SFXN1: variants seen among roughly 807,000 people sequenced by gnomAD.
The protein encoded by SFXN1 is sideroflexin 1.
SFXN1 carries 32 observed loss-of-function variants against 39.5 expected under a neutral mutation model. The ratio of observed to expected loss-of-function variants is 0.81; its 90% confidence interval spans 0.61 to 1.09. SFXN1 has a LOEUF of 1.09. Ranked by LOEUF, SFXN1 falls within the 50% of genes least tolerant of loss-of-function variation. The pLI, the probability that SFXN1 is intolerant of heterozygous loss-of-function variation, is 0.00. For missense variants in SFXN1, 402 were observed against 407.1 expected, an observed-to-expected ratio of 0.99 and a Z score of 0.11; for synonymous variants, 136 against 146.5, an observed-to-expected ratio of 0.93 and a Z score of 0.52.
chr5:175,519,875 T>TC, intron 8 of SFXN1, among the ~76,000 whole-genome samples: 1 of 143,744 alleles, frequency 7.0e-6, no homozygotes, highest in East Asian at 2.0e-4. Flanking sequence ...TTTTTTTTTT[T>TC]TTTTTTTTTT....
At chr5:175,511,814 G>C (rs1760525792) in intron 5 of SFXN1, among the ~76,000 whole-genome samples, 1 of 151,526 alleles carries the variant, frequency 6.6e-6, no homozygotes, top group Admixed American at 6.6e-5. Context: ...TGTGCCTCAG[G>C]CCACAGCTCT....
chr5:175,500,290 G>A (rs1760023234), intron 2 of SFXN1, among the ~76,000 whole-genome samples: 2 of 151,586 alleles, frequency 1.3e-5, no homozygotes, highest in African/African-American at 2.4e-5. Flanking sequence ...CTATCTAGTA[G>A]CAATTAACAA....
At chr5:175,500,709 A>G (rs900164542) in intron 2 of SFXN1, among the ~76,000 whole-genome samples, 2 of 152,294 alleles carry the variant, frequency 1.3e-5, no homozygotes, top group Admixed American at 6.5e-5. Flanking sequence ...AACTCACACT[A>G]CCTGGTCTTA....
At chr5:175,512,673 G>A (rs1209539810) in intron 6 of SFXN1, among the ~76,000 whole-genome samples, 6 of 152,068 alleles carry the variant, frequency 3.9e-5, no homozygotes, top group Non-Finnish European at 7.4e-5. Context: ...AACAACAAAA[G>A]CATTTTGGAA....
At chr5:175,513,850 A>G (rs1760623739) in intron 7 of SFXN1, 2 of 326,182 alleles carry the variant, frequency 6.1e-6, no homozygotes, top group Non-Finnish European at 1.2e-5. Context: ...CCAAGTGGGT[A>G]TCGGTGATGA....
chr5:175,510,554 C>T (rs1310701120), intron 4 of SFXN1, among the ~76,000 whole-genome samples: 3 of 152,154 alleles, frequency 2.0e-5, no homozygotes, highest in Admixed American at 6.5e-5. Context: ...GCTGTTCCGC[C>T]ATCTACCCTG....
chr5:175,501,334 C>T (rs1025692089), intron 2 of SFXN1, among the ~76,000 whole-genome samples: 1 of 152,134 alleles, frequency 6.6e-6, no homozygotes, highest in African/African-American at 2.4e-5. Context: ...CCCGAAAGTG[C>T]TGGGATTACA....
intron 2 of SFXN1, among the ~76,000 whole-genome samples, chr5:175,495,891 G>C (rs7447236): frequency 6.7e-6 from 1 of 149,412 alleles, no homozygotes; most frequent in African/African-American, 2.5e-5. Flanking sequence ...GAATAAAAGA[G>C]ATTAAAAGTG....
intron 2 of SFXN1, 75 bp downstream of exon 2, chr5:175,492,342 C>A: frequency 2.4e-6 from 3 of 1,248,664 alleles, no homozygotes; most frequent in South Asian, 1.9e-5. Flanking sequence ...TAAACCTTCA[C>A]TTAGTGATTT....
chr5:175,482,251 T>C (rs887943199), intron 1 of SFXN1, among the ~76,000 whole-genome samples: 2 of 152,196 alleles, frequency 1.3e-5, no homozygotes, highest in East Asian at 3.8e-4. Flanking sequence ...GACCCTTTCA[T>C]AACTCTTTCA....
At chr5:175,480,672 A>G (rs1467752764) in intron 1 of SFXN1, among the ~76,000 whole-genome samples, 4 of 152,256 alleles carry the variant, frequency 2.6e-5, no homozygotes, top group Admixed American at 2.6e-4. Flanking sequence ...GGCAGGGAAT[A>G]TCCCTTCCTG....
chr5:175,525,335 C>G (rs2113369983), intron 10 of SFXN1, among the ~76,000 whole-genome samples: 1 of 152,286 alleles, frequency 6.6e-6, no homozygotes, highest in Non-Finnish European at 1.5e-5. Context: ...TAATACTGGA[C>G]TTACAGAGTT....
chr5:175,526,752 T>C lies in SFXN1; in HGVS notation c.*18T>C, dbSNP rs781011809. The C allele has an allele frequency of 1.1e-5, 17 of 1,596,642 alleles. No homozygotes were observed. The highest frequency in any genetic ancestry group is 1.5e-5 in the Non-Finnish European group (17 of 1,164,384). ...GATTGTAAAGCAGGGAGGAAACCTC[T>C]GCAGCTCATTCTGCCACTGCAAAGC... On this transcript the variant is annotated 3_prime_UTR_variant, in exon 11 of 11. Transcript: ENST00000321442.
intron 1 of SFXN1, among the ~76,000 whole-genome samples, chr5:175,481,747 A>C (rs1027869703): frequency 6.6e-6 from 1 of 152,252 alleles, no homozygotes; most frequent in African/African-American, 2.4e-5. Context: ...ATGCAGAACT[A>C]TCCTGGAACA....
At chr5:175,520,230 T>C (rs1561675882) in intron 8 of SFXN1, among the ~76,000 whole-genome samples, 2 of 151,894 alleles carry the variant, frequency 1.3e-5, no homozygotes, top group African/African-American at 4.8e-5. Context: ...TACACACACA[T>C]ATATATATTT....
intron 2 of SFXN1, among the ~76,000 whole-genome samples, chr5:175,499,112 G>A (rs572053633): frequency 5.1e-4 from 78 of 152,144 alleles, no homozygotes; most frequent in Admixed American, 1.4e-3. Flanking sequence ...GAAATTAGCC[G>A]AGTGTGGTAG....
intron 2 of SFXN1, 58 bp from the exon 3 acceptor site, chr5:175,508,974 A>C: frequency 6.6e-7 from 1 of 1,511,518 alleles, no homozygotes; most frequent in Admixed American, 1.9e-5. Context: ...ACTTGTCTCT[A>C]GGACACTGGG....
chr5:175,486,823 C>T (rs912027315), intron 1 of SFXN1, among the ~76,000 whole-genome samples: 6 of 151,988 alleles, frequency 3.9e-5, no homozygotes, highest in African/African-American at 9.7e-5. Context: ...AAAATGAGAC[C>T]GTGATGGCGG....
At chr5:175,491,731 C>T (rs1221153996) in intron 1 of SFXN1, 1 of 158,566 alleles carries the variant, frequency 6.3e-6, no homozygotes, top group Non-Finnish European at 1.4e-5. Context: ...AAGGGATCTT[C>T]CCTCCTCGAC....
Sources: gnomAD v4.1 joint callset for allele counts (sites outside exome capture counted in the v4.1 genomes callset) on GRCh38, gnomAD v4.1.1 for gene constraint, MANE v1.5 for transcripts, NCBI Gene and HGNC (gene_info 2026-07-23, HGNC 2026-07-21) for gene names.